TENM4: variants seen among roughly 807,000 people sequenced by gnomAD.
TENM4 encodes teneurin transmembrane protein 4.
A neutral mutation model predicts 243.3 loss-of-function variants in TENM4; 82 were observed. The observed-to-expected ratio is 0.34, with a 90% CI of 0.28 to 0.40. The LOEUF is 0.40. Among genes scored for constraint, TENM4 ranks in the 10% least tolerant of loss-of-function variants. TENM4 has a pLI of 1.00. For synonymous variants in TENM4, 1,412 were observed against 1,456.3 expected (o/e 0.97, Z 0.69); for missense variants, 3,138 against 3,673.3 (o/e 0.85, Z 3.77).
intron 1 of TENM4, among the ~76,000 whole-genome samples, chr11:79,399,343 T>A (rs1464579490): frequency 6.6e-6 from 1 of 152,206 alleles, no homozygotes; most frequent in African/African-American, 2.4e-5. Context: ...CATGGGTATT[T>A]TCTTCTTATT....
In TENM4 at chr11:79,064,962, G is replaced by C; in HGVS notation, c.269C>G (p.Pro90Arg). The C allele has an allele frequency of 6.8e-7, 1 of 1,475,016 alleles. No homozygotes were observed. Among genetic ancestry groups the C allele is most frequent in the Middle Eastern group, 1.8e-4 (1 of 5,612 alleles). 91.4% of individuals were successfully genotyped at this position (1,475,016 alleles called of 1,614,324 possible). A position where few individuals can be genotyped will look rare whatever the true frequency, so the allele number is the denominator to read the frequency against. The part of the protein sequence containing the change: ...LRELGLEEVT[P>R]PHGTLYRTDI... Reference sequence around the variant, plus strand: ...TGTCCGGTACAGGGTCCCGTGAGGGGGCGTTACTTCTTCCAGCCCCAGCTC... The same window carrying C: ...TGTCCGGTACAGGGTCCCGTGAGGGCGCGTTACTTCTTCCAGCCCCAGCTC... The change falls in exon 6 of 34, where the codon CCC becomes CGC. Residue 90 changes from proline (P) to arginine (R), a missense_variant. Physicochemically the swap from Pro to Arg is moderately radical, Grantham distance 103. Coordinates refer to ENST00000278550, the MANE Select transcript of TENM4 (RefSeq NM_001098816.3).
At chr11:79,415,535 C>T (rs748032274) in intron 1 of TENM4, among the ~76,000 whole-genome samples, 1 of 152,174 alleles carries the variant, frequency 6.6e-6, no homozygotes, top group Non-Finnish European at 1.5e-5. Context: ...GGTTTACCAT[C>T]TCCACTTTCA....
chr11:78,659,611 T>C (rs1441862506), intron 33 of TENM4, among the ~76,000 whole-genome samples: 2 of 152,184 alleles, frequency 1.3e-5, no homozygotes, highest in Non-Finnish European at 2.9e-5. Flanking sequence ...AGGCATAACA[T>C]GGTGAGAGGC....
intron 27 of TENM4, among the ~76,000 whole-genome samples, chr11:78,704,159 C>A (rs28643285): frequency 0.016 from 1,672 of 105,914 alleles, 71 homozygotes; most frequent in African/African-American, 0.059. Flanking sequence ...GTATGTGTGT[C>A]TATATATATA....
chr11:79,306,054 C>T (rs1856621303), intron 1 of TENM4, among the ~76,000 whole-genome samples: 1 of 152,226 alleles, frequency 6.6e-6, no homozygotes, highest in Non-Finnish European at 1.5e-5. Flanking sequence ...CTGATCCCTG[C>T]ACCACTCAAG....
chr11:79,114,856 C>A (rs1861585671), intron 4 of TENM4, among the ~76,000 whole-genome samples: 1 of 152,122 alleles, frequency 6.6e-6, no homozygotes, highest in Admixed American at 6.6e-5. Context: ...GGAAACCCTG[C>A]CATATGTGCA....
At chr11:79,221,420 C>T (rs1358369705) in intron 2 of TENM4, among the ~76,000 whole-genome samples, 2 of 151,628 alleles carry the variant, frequency 1.3e-5, no homozygotes, top group Non-Finnish European at 2.9e-5. Context: ...GCAGCTGCTG[C>T]TTGTGGACTC....
chr11:78,742,031 T>C lies in TENM4; in HGVS notation c.2757-3461A>G, dbSNP rs115231633. ...AGCTGTCACCACCTCAGTAAGGTTG[T>C]CATCAACTTTTCCTGACACAATGAA... On this transcript the variant is annotated intron_variant, in intron 19 of 33. Coordinates refer to ENST00000278550, the MANE Select transcript of TENM4 (RefSeq NM_001098816.3). Among the ~76,000 whole-genome samples, 1,402 of 152,328 alleles carry C rather than the reference T, an allele frequency of 9.2e-3. 13 individuals are homozygous for C. The highest frequency in any genetic ancestry group is 0.031 in the African/African-American group (1,302 of 41,558).
chr11:78,791,987 C>T (rs1333245274), intron 15 of TENM4, among the ~76,000 whole-genome samples: 1 of 152,126 alleles, frequency 6.6e-6, no homozygotes, highest in East Asian at 1.9e-4. Context: ...TTCTGACTCC[C>T]CAGTTTCCTA....
intron 1 of TENM4, among the ~76,000 whole-genome samples, chr11:79,386,949 G>C (rs1228793300): frequency 6.6e-6 from 1 of 152,052 alleles, no homozygotes; most frequent in African/African-American, 2.4e-5. Flanking sequence ...ACATGCATAA[G>C]AATGTTCACC....
intron 6 of TENM4, among the ~76,000 whole-genome samples, chr11:79,000,854 A>T (rs56365807): frequency 0.079 from 12,006 of 152,102 alleles, 533 homozygotes; most frequent in Admixed American, 0.14. Context: ...AACATGGTAA[A>T]ACCTTGTCTC....
At chr11:78,789,571 G>A (rs1165431042) in intron 15 of TENM4, among the ~76,000 whole-genome samples, 1 of 152,178 alleles carries the variant, frequency 6.6e-6, no homozygotes, top group Non-Finnish European at 1.5e-5. Context: ...TTGGAGAGAT[G>A]AAAAATCAGC....
chr11:78,801,849 G>A (rs1365391757), intron 15 of TENM4, among the ~76,000 whole-genome samples: 1 of 152,216 alleles, frequency 6.6e-6, no homozygotes, highest in Non-Finnish European at 1.5e-5. Context: ...GCCATGCCAG[G>A]CAGCAAGCAG....
At chr11:79,363,077 T>C (rs2135496410) in intron 1 of TENM4, among the ~76,000 whole-genome samples, 1 of 152,364 alleles carries the variant, frequency 6.6e-6, no homozygotes, top group South Asian at 2.1e-4. Flanking sequence ...TTTTGTTGGC[T>C]AGTACAGTTG....
chr11:79,158,672 C>G (rs1862676416), intron 3 of TENM4, among the ~76,000 whole-genome samples: 1 of 152,196 alleles, frequency 6.6e-6, no homozygotes. Flanking sequence ...CACACACTGT[C>G]ACATTTACGC....
intron 1 of TENM4, among the ~76,000 whole-genome samples, chr11:79,308,578 T>A (rs1856665354): frequency 6.6e-6 from 1 of 152,242 alleles, no homozygotes. Flanking sequence ...CTTTCAGTTA[T>A]TTTTTCCCAG....
chr11:78,867,080 A>G (rs960019421), intron 9 of TENM4, among the ~76,000 whole-genome samples: 24 of 152,214 alleles, frequency 1.6e-4, no homozygotes, highest in African/African-American at 5.5e-4. Flanking sequence ...CCCTCCCTCC[A>G]GCATTTATCT....
intron 1 of TENM4, among the ~76,000 whole-genome samples, chr11:79,401,536 G>A (rs1386934535): frequency 6.6e-6 from 1 of 152,108 alleles, no homozygotes; most frequent in African/African-American, 2.4e-5. Flanking sequence ...CAGGAGATTT[G>A]GAAAGCACAA....
intron 6 of TENM4, among the ~76,000 whole-genome samples, chr11:79,020,879 A>C (rs947862616): frequency 2.2e-4 from 34 of 152,194 alleles, no homozygotes; most frequent in Non-Finnish European, 4.9e-4. Flanking sequence ...AGAGAATTCC[A>C]TAGGGAAAGA....
Sources: allele counts gnomAD v4.1 joint callset (sites outside exome capture counted in the v4.1 genomes callset), GRCh38; gene constraint gnomAD v4.1.1; transcripts MANE v1.5; gene names NCBI Gene and HGNC (gene_info 2026-07-23, HGNC 2026-07-21).